NBEA: variants seen among roughly 807,000 people sequenced by gnomAD.
The protein encoded by NBEA is neurobeachin.
NBEA carries 44 observed loss-of-function variants against 343.4 expected under a neutral mutation model. The ratio of observed to expected loss-of-function variants is 0.13; its 90% confidence interval spans 0.10 to 0.16. NBEA has a LOEUF of 0.16. Among genes scored for constraint, NBEA ranks in the 10% least tolerant of loss-of-function variants. The pLI is 1.00. For synonymous variants in NBEA, 1,175 were observed against 1,238.7 expected (o/e 0.95, Z 1.08); for missense variants, 2,555 against 3,631.3 (o/e 0.70, Z 7.62).
At chr13:34,992,749 T>C (rs1361655454) in intron 1 of NBEA, among the ~76,000 whole-genome samples, 1 of 151,888 alleles carries the variant, frequency 6.6e-6, no homozygotes, top group South Asian at 2.1e-4. Context: ...CTCAGCTCAC[T>C]GCAAGCTCCG....
chr13:35,432,535 C>T, intron 39 of NBEA, 142 bp downstream of exon 39: 1 of 719,068 alleles, frequency 1.4e-6, no homozygotes, highest in Non-Finnish European at 2.0e-6. Flanking sequence ...CTTTATCCTT[C>T]AGCATCATTT....
intron 39 of NBEA, among the ~76,000 whole-genome samples, chr13:35,438,555 T>G (rs1007409436): frequency 2.6e-5 from 4 of 152,250 alleles, no homozygotes; most frequent in African/African-American, 9.6e-5. Context: ...GTAGAGACTC[T>G]AGTAAACATC....
At position 35,045,380 on chromosome 13, in the gene NBEA, T is replaced by C. The variant is rs1201560809; in HGVS notation, c.702T>C (p.Asn234=). Residue 234 remains asparagine, a synonymous_variant, in exon 4 of 59, where the codon AAT becomes AAC. Transcript: ENST00000379939. ...GACACGGTCCTGATACTTTTTTCAA[T>C]TTCCCTGGTTGTAGCGCTGCGGTAA... The part of the protein sequence containing the change: ...PQRHGPDTFF[N]FPGCSAAAIA... The C allele has an allele frequency of 6.2e-7, 1 of 1,611,368 alleles. No individual in the cohort carries two copies. Among genetic ancestry groups the C allele is most frequent in the Admixed American group, 1.7e-5 (1 of 59,832 alleles).
At chr13:34,957,810 TC>T (rs1179072399) in intron 1 of NBEA, among the ~76,000 whole-genome samples, 1 of 152,186 alleles carries the variant, frequency 6.6e-6, no homozygotes, top group Admixed American at 6.5e-5. Flanking sequence ...TCCTAGCTAA[TC>T]TTAAATAACT....
At chr13:34,974,373 C>T (rs1287539017) in intron 1 of NBEA, among the ~76,000 whole-genome samples, 3 of 152,082 alleles carry the variant, frequency 2.0e-5, no homozygotes, top group Admixed American at 6.6e-5. Context: ...CTTACCTGGA[C>T]GTTTCACAAT....
intron 1 of NBEA, among the ~76,000 whole-genome samples, chr13:34,961,504 C>A (rs1332679195): frequency 6.6e-6 from 1 of 152,012 alleles, no homozygotes; most frequent in Non-Finnish European, 1.5e-5. Context: ...ATATAAATAC[C>A]AGTCTATTGG....
intron 17 of NBEA, among the ~76,000 whole-genome samples, chr13:35,132,561 A>G (rs1281920273): frequency 6.6e-6 from 1 of 152,236 alleles, no homozygotes; most frequent in East Asian, 1.9e-4. Flanking sequence ...ATGGAATACT[A>G]TTGTGCAATT....
Position 35,362,228 on chromosome 13 carries a change from A to T in NBEA, c.6179+9905A>T, listed in dbSNP as rs532256062. On this transcript the variant is annotated intron_variant, in intron 38 of 58. Coordinates refer to ENST00000379939, the MANE Select transcript of NBEA (RefSeq NM_001385012.1). ...TAAGTTACAGCTCAGATTATCTGTT[A>T]TTTCTGTGCAAACACTATTATGTTG... Among the ~76,000 whole-genome samples the T allele has an allele frequency of 6.6e-5, 10 of 151,988 alleles. No individual in the cohort carries two copies. In the East Asian group the frequency reaches 9.7e-4, roughly 15 times the overall value.
chr13:35,378,816 T>C (rs1416267140), intron 38 of NBEA, among the ~76,000 whole-genome samples: 1 of 151,988 alleles, frequency 6.6e-6, no homozygotes, highest in Non-Finnish European at 1.5e-5. Context: ...CTCACCCTGC[T>C]AAGGTAACTG....
At chr13:34,992,131 G>T (rs1227604804) in intron 1 of NBEA, among the ~76,000 whole-genome samples, 1 of 144,296 alleles carries the variant, frequency 6.9e-6, no homozygotes, top group Non-Finnish European at 1.5e-5. Flanking sequence ...CAAGTTTTTT[G>T]AATTTTTAAA....
chr13:35,244,244 A>G (rs551738999), intron 34 of NBEA, among the ~76,000 whole-genome samples: 2 of 151,982 alleles, frequency 1.3e-5, no homozygotes, highest in South Asian at 2.1e-4. Context: ...ATAAAACAAC[A>G]TATTTTGAAT....
At chr13:35,574,145 T>C (rs2080590835) in intron 45 of NBEA, among the ~76,000 whole-genome samples, 1 of 152,028 alleles carries the variant, frequency 6.6e-6, no homozygotes, top group Non-Finnish European at 1.5e-5. Flanking sequence ...CATGTGTTTA[T>C]TATATGCCAG....
intron 44 of NBEA, among the ~76,000 whole-genome samples, chr13:35,556,998 A>G (rs1016008626): frequency 6.6e-6 from 1 of 152,068 alleles, no homozygotes; most frequent in African/African-American, 2.4e-5. Flanking sequence ...TGAGAGACCT[A>G]TCAAGACAGT....
chr13:35,571,813 C>T (rs1290387297), intron 45 of NBEA, among the ~76,000 whole-genome samples: 3 of 152,054 alleles, frequency 2.0e-5, no homozygotes. Flanking sequence ...AAAACTGTAA[C>T]ATCAAAACAC....
intron 21 of NBEA, 64 bp from the exon 22 acceptor site, chr13:35,158,951 AT>A (rs781343332): frequency 3.0e-6 from 4 of 1,313,528 alleles, no homozygotes; most frequent in Non-Finnish European, 4.1e-6. Flanking sequence ...TTTAATTTGT[AT>A]TATTTAGTTT....
chr13:35,666,949 A>G (rs1360058889), intron 56 of NBEA, among the ~76,000 whole-genome samples: 1 of 152,204 alleles, frequency 6.6e-6, no homozygotes, highest in Non-Finnish European at 1.5e-5. Flanking sequence ...CAGTGTATTG[A>G]TGTGGTACAA....
At chr13:35,192,966 A>G (rs1175602589) in intron 30 of NBEA, among the ~76,000 whole-genome samples, 2 of 151,974 alleles carry the variant, frequency 1.3e-5, no homozygotes, top group Non-Finnish European at 2.9e-5. Flanking sequence ...TCTGTAAATT[A>G]GCTAAATTCA....
At chr13:35,233,563 T>C (rs1308284437) in intron 34 of NBEA, among the ~76,000 whole-genome samples, 2 of 152,180 alleles carry the variant, frequency 1.3e-5, no homozygotes, top group Non-Finnish European at 2.9e-5. Flanking sequence ...TACAGCACTT[T>C]AGGGTTCTTG....
chr13:35,130,254 A>G (rs1374622263), intron 17 of NBEA, among the ~76,000 whole-genome samples: 1 of 152,084 alleles, frequency 6.6e-6, no homozygotes, highest in Admixed American at 6.6e-5. Flanking sequence ...AGAGAAGGGT[A>G]AAGTGGTAGG....
Sources: gnomAD v4.1 joint callset for allele counts (sites outside exome capture counted in the v4.1 genomes callset) on GRCh38, gnomAD v4.1.1 for gene constraint, MANE v1.5 for transcripts, NCBI Gene and HGNC (gene_info 2026-07-23, HGNC 2026-07-21) for gene names.